The following GPHN variants were observed in gnomAD, a reference collection of about 807,000 sequenced individuals.
GPHN encodes gephyrin.
In GPHN, 17 loss-of-function variants were observed where a neutral mutation model predicts 95.5. The ratio of observed to expected loss-of-function variants is 0.18; its 90% CI spans 0.12 to 0.27. GPHN has a LOEUF of 0.27. Ranked by LOEUF, GPHN falls within the 10% of genes least tolerant of loss-of-function variation. GPHN has a pLI of 1.00. For synonymous variants in GPHN, 320 were observed against 322.5 expected, an observed-to-expected ratio of 0.99 and a Z score of 0.08; for missense variants, 660 against 978.1, an observed-to-expected ratio of 0.67 and a Z score of 4.34.
chr14:67,117,917 T>G (rs2153689814), intron 16 of GPHN, among the ~76,000 whole-genome samples: 1 of 152,056 alleles, frequency 6.6e-6, no homozygotes, highest in East Asian at 1.9e-4. Context: ...ACCAATAATA[T>G]AACTGGTGGC....
chr14:67,430,242 G>C, the GPHN span, among the ~76,000 whole-genome samples: 1 of 152,284 alleles, frequency 6.6e-6, no homozygotes, highest in Non-Finnish European at 1.5e-5. Flanking sequence ...GACAGAGCTT[G>C]AACCCTGTAT....
intron 9 of GPHN, among the ~76,000 whole-genome samples, chr14:66,974,228 G>A (rs2070040094): frequency 3.9e-5 from 6 of 152,120 alleles, no homozygotes; most frequent in Admixed American, 3.9e-4. Flanking sequence ...TTAATATTTT[G>A]ATGAAACTAA....
At chr14:67,374,804 A>G in the GPHN span, among the ~76,000 whole-genome samples, 1 of 152,164 alleles carries the variant, frequency 6.6e-6, no homozygotes, top group Non-Finnish European at 1.5e-5. Flanking sequence ...AGGTCTTTCT[A>G]TTTTGTCCAG....
At chr14:66,925,940 G>A (rs570945312) in intron 8 of GPHN, among the ~76,000 whole-genome samples, 6 of 152,148 alleles carry the variant, frequency 3.9e-5, no homozygotes, top group Non-Finnish European at 7.4e-5. Flanking sequence ...GATAAAAGCC[G>A]TATTAACTGG....
At chr14:67,055,669 A>C (rs184224392) in intron 10 of GPHN, among the ~76,000 whole-genome samples, 1 of 152,232 alleles carries the variant, frequency 6.6e-6, no homozygotes, top group African/African-American at 2.4e-5. Context: ...CCTATCAATG[A>C]TAGACTGGAT....
the GPHN span, among the ~76,000 whole-genome samples, chr14:67,494,568 G>GC: frequency 6.6e-6 from 1 of 152,128 alleles, no homozygotes; most frequent in African/African-American, 2.4e-5. Context: ...AATCGGCCCC[G>GC]CCCCCACACA....
the GPHN span, chr14:67,659,591 A>G: frequency 9.5e-6 from 8 of 840,028 alleles, no homozygotes; most frequent in Middle Eastern, 3.7e-4. Context: ...AACTGGATGC[A>G]GAAAAGAGGA....
At chr14:67,136,644 A>T (rs746805449) in intron 17 of GPHN, among the ~76,000 whole-genome samples, 1 of 152,188 alleles carries the variant, frequency 6.6e-6, no homozygotes, top group Non-Finnish European at 1.5e-5. Flanking sequence ...AAATGATACT[A>T]GTTTTTCAGG....
intron 10 of GPHN, among the ~76,000 whole-genome samples, chr14:67,045,384 G>A (rs2074953503): frequency 6.6e-6 from 1 of 151,594 alleles, no homozygotes; most frequent in South Asian, 2.1e-4. Flanking sequence ...CTCTATCTCT[G>A]TCTCCCTCTC....
At chr14:67,044,786 TG>T (rs1239317062) in intron 10 of GPHN, among the ~76,000 whole-genome samples, 6 of 151,730 alleles carry the variant, frequency 4.0e-5, no homozygotes, top group African/African-American at 1.5e-4. Context: ...TCTCTCTCTC[TG>T]TCTTTCTCTC....
the GPHN span, among the ~76,000 whole-genome samples, chr14:67,304,557 G>A: frequency 6.6e-6 from 1 of 152,162 alleles, no homozygotes; most frequent in African/African-American, 2.4e-5. Flanking sequence ...CCATATATTG[G>A]TTCATTTATA....
chr14:67,688,890 C>T, the GPHN span, among the ~76,000 whole-genome samples: 3 of 152,096 alleles, frequency 2.0e-5, no homozygotes, highest in Admixed American at 2.0e-4. Flanking sequence ...ACCAATTCAT[C>T]CCCTGTCCCC....
At chr14:67,288,283 T>C in the GPHN span, among the ~76,000 whole-genome samples, 2 of 152,254 alleles carry the variant, frequency 1.3e-5, no homozygotes, top group East Asian at 3.9e-4. Context: ...GATTTTACCA[T>C]GTTGGCCAGA....
chr14:66,813,513 A>G (rs1189021120), intron 3 of GPHN, among the ~76,000 whole-genome samples: 1 of 152,174 alleles, frequency 6.6e-6, no homozygotes, highest in Admixed American at 6.5e-5. Flanking sequence ...GCAAGGAGCA[A>G]CCCGCTCTCA....
intron 18 of GPHN, among the ~76,000 whole-genome samples, chr14:67,150,283 C>A (rs981613073): frequency 2.0e-5 from 3 of 150,570 alleles, no homozygotes; most frequent in South Asian, 2.1e-4. Context: ...TCTACTAAAA[C>A]TACAAAAAAT....
chr14:67,156,672 T>C (rs1185000229), intron 18 of GPHN, among the ~76,000 whole-genome samples: 2 of 152,080 alleles, frequency 1.3e-5, no homozygotes, highest in Non-Finnish European at 2.9e-5. Flanking sequence ...AACCCAAATA[T>C]AGCAGTAATC....
intron 10 of GPHN, among the ~76,000 whole-genome samples, chr14:67,049,559 C>T (rs1328580457): frequency 6.6e-6 from 1 of 151,248 alleles, no homozygotes; most frequent in African/African-American, 2.4e-5. Context: ...TGTTGCCAGG[C>T]TGGAGTGCAG....
chr14:66,814,174 C>G (rs1336602081), intron 3 of GPHN, among the ~76,000 whole-genome samples: 9 of 152,160 alleles, frequency 5.9e-5, no homozygotes, highest in Admixed American at 5.9e-4. Context: ...GCCAGCACCC[C>G]ACCCTTGCAC....
chr14:66,612,080 T>A (rs1196173642), intron 1 of GPHN, among the ~76,000 whole-genome samples: 2 of 152,062 alleles, frequency 1.3e-5, no homozygotes, highest in Non-Finnish European at 2.9e-5. Context: ...CCAACACCAA[T>A]ATGTGTATTT....
Sources: gnomAD v4.1 joint callset for allele counts (sites outside exome capture counted in the v4.1 genomes callset) on GRCh38, gnomAD v4.1.1 for gene constraint, MANE v1.5 for transcripts, NCBI Gene and HGNC (gene_info 2026-07-23, HGNC 2026-07-21) for gene names.